The following RBFOX1 variants were observed in gnomAD, a reference collection of about 807,000 sequenced individuals.
RBFOX1 encodes the protein RNA binding protein fox-1 homolog 1.
Under a neutral mutation model 57.7 loss-of-function variants are expected in RBFOX1, and 8 were observed. That is an observed-to-expected ratio of 0.14 (90% CI 0.08 to 0.25). The LOEUF is 0.25. Among genes scored for constraint, RBFOX1 ranks in the 10% least tolerant of loss-of-function variants. The pLI is 1.00. For synonymous variants in RBFOX1, 326 were observed against 222.4 expected (o/e 1.47, Z -4.15); for missense variants, 611 against 548.5 (o/e 1.11, Z -1.14).
chr16:6,122,235 TC>T (rs1438347712), intron 1 of RBFOX1, among the ~76,000 whole-genome samples: 1 of 152,144 alleles, frequency 6.6e-6, no homozygotes, highest in Non-Finnish European at 1.5e-5. Flanking sequence ...GTTTTTATTT[TC>T]TTTTAATTAA....
At chr16:5,982,823 T>A (rs1050312109) in intron 4 of RBFOX1, among the ~76,000 whole-genome samples, 1 of 152,260 alleles carries the variant, frequency 6.6e-6, no homozygotes, top group African/African-American at 2.4e-5. Context: ...ATACCTGGAA[T>A]GTGGAGCCTT....
chr16:7,143,722 T>C lies in RBFOX1; in HGVS notation c.27+91624T>C, dbSNP rs77872478. Among the ~76,000 whole-genome samples the C allele has an allele frequency of 9.7e-3, 1,472 of 152,234 alleles. 29 individuals are homozygous for C. Among genetic ancestry groups the C allele is most frequent in the African/African-American group, 0.034 (1,409 of 41,544 alleles). ...TTCTCCAAAGTCCTTCATTTGATCA[T>C]ACATTCATCCATGGGTTTATTGGTT... On this transcript the variant is annotated intron_variant, in intron 4 of 15. Coordinates refer to ENST00000550418, the MANE Select transcript of RBFOX1 (RefSeq NM_018723.4).
At chr16:6,351,373 T>TATATA (rs61442398) in intron 2 of RBFOX1, among the ~76,000 whole-genome samples, 2,344 of 100,396 alleles carry the variant, frequency 0.023, 26 homozygotes, top group Middle Eastern at 0.048. Context: ...TATATATATA[T>TATATA]TTTTTTTTTT....
chr16:6,708,529 A>G (rs193288255), intron 3 of RBFOX1, among the ~76,000 whole-genome samples: 52 of 152,256 alleles, frequency 3.4e-4, no homozygotes, highest in African/African-American at 1.1e-3. Flanking sequence ...GTGTTGGACA[A>G]TTTCGCACAA....
At chr16:7,610,111 CG>C (rs1568078856) in intron 10 of RBFOX1, among the ~76,000 whole-genome samples, 1 of 87,764 alleles carries the variant, frequency 1.1e-5, no homozygotes, top group Non-Finnish European at 2.2e-5. Flanking sequence ...CCACTGCGCC[CG>C]GCCCCCTTTT....
At chr16:6,774,280 T>C (rs1314364592) in intron 3 of RBFOX1, among the ~76,000 whole-genome samples, 1 of 152,086 alleles carries the variant, frequency 6.6e-6, no homozygotes, top group African/African-American at 2.4e-5. Context: ...GTCTACTCTA[T>C]TCCCTCCCAG....
At chr16:7,306,350 G>T (rs947044930) in intron 4 of RBFOX1, among the ~76,000 whole-genome samples, 1 of 152,070 alleles carries the variant, frequency 6.6e-6, no homozygotes, top group African/African-American at 2.4e-5. Context: ...TCTCTCCCAC[G>T]AGGAAAAACA....
intron 3 of RBFOX1, among the ~76,000 whole-genome samples, chr16:5,634,735 C>G (rs1009362513): frequency 1.3e-5 from 2 of 152,324 alleles, no homozygotes; most frequent in East Asian, 1.9e-4. Flanking sequence ...CCAGCGTATT[C>G]TCTCCATTTC....
chr16:6,362,508 C>G lies in RBFOX1; in HGVS notation c.-64+45451C>G, dbSNP rs560801053. Among the ~76,000 whole-genome samples the G allele has an allele frequency of 1.2e-3, 188 of 152,320 alleles. 1 individual carries two copies. The highest frequency in any genetic ancestry group is 4.4e-3 in the African/African-American group (182 of 41,562). On this transcript the variant is annotated intron_variant, in intron 2 of 15. Transcript: ENST00000550418. ...CTCGTATGTCATCTGTTGGCACTGG[C>G]TCACGCATTTGTGTGCCAGGACATA... is the stretch of plus-strand genomic sequence containing the variant.
chr16:5,796,825 C>G lies in RBFOX1; in HGVS notation c.319-70478C>G, dbSNP rs2054895194. Among the ~76,000 whole-genome samples the G allele has an allele frequency of 2.0e-5, 3 of 152,192 alleles. 1 individual carries two copies. The highest frequency in any genetic ancestry group is 7.2e-5 in the African/African-American group (3 of 41,442). ...TTCTCTAACTCTGATATATTTCCCC[C>G]TTGTTTCCAGGTTAACCTCTATATG... is the stretch of plus-strand genomic sequence containing the variant. On this transcript the variant is annotated intron_variant, in intron 3 of 19. Transcript: ENST00000641259.
chr16:6,897,925 C>T (rs1283860034), intron 3 of RBFOX1, among the ~76,000 whole-genome samples: 2 of 152,184 alleles, frequency 1.3e-5, no homozygotes, highest in African/African-American at 4.8e-5. Flanking sequence ...CAGACACGAG[C>T]TACCCTCTGT....
intron 3 of RBFOX1, among the ~76,000 whole-genome samples, chr16:5,678,254 G>A (rs1201435724): frequency 6.6e-6 from 1 of 152,198 alleles, no homozygotes; most frequent in South Asian, 2.1e-4. Context: ...CAGCCAGTCA[G>A]TGTCCTCTGA....
At chr16:6,165,186 G>A (rs2096908173) in intron 1 of RBFOX1, among the ~76,000 whole-genome samples, 1 of 152,146 alleles carries the variant, frequency 6.6e-6, no homozygotes, top group South Asian at 2.1e-4. Flanking sequence ...CACCTGACAA[G>A]ATTACCCTGT....
chr16:5,454,849 C>G (rs1412105914), intron 1 of RBFOX1, among the ~76,000 whole-genome samples: 2 of 104,232 alleles, frequency 1.9e-5, no homozygotes, highest in Non-Finnish European at 4.1e-5. Context: ...TCCTTTCTTT[C>G]TTTCTTTTCT....
intron 4 of RBFOX1, among the ~76,000 whole-genome samples, chr16:7,229,049 T>C (rs1603395835): frequency 6.6e-6 from 1 of 151,398 alleles, no homozygotes; most frequent in African/African-American, 2.5e-5. Flanking sequence ...ATCTAAACTG[T>C]TTTTAAAAAT....
chr16:5,593,657 GTA>G (rs1567271978), intron 2 of RBFOX1, among the ~76,000 whole-genome samples: 1 of 152,082 alleles, frequency 6.6e-6, no homozygotes, highest in East Asian at 1.9e-4. Context: ...GGAAGTTACC[GTA>G]TATGGTCTGA....
At chr16:5,295,887 T>C (rs1176384394) in intron 1 of RBFOX1, among the ~76,000 whole-genome samples, 1 of 152,250 alleles carries the variant, frequency 6.6e-6, no homozygotes, top group Admixed American at 6.5e-5. Context: ...GGGATAATTA[T>C]GCTTCTTACC....
intron 2 of RBFOX1, among the ~76,000 whole-genome samples, chr16:6,643,234 C>G (rs2098506765): frequency 6.6e-6 from 1 of 152,154 alleles, no homozygotes; most frequent in South Asian, 2.1e-4. Context: ...TTGCATAGGA[C>G]TTGGTGCTTT....
chr16:5,371,612 G>A (rs930133058), intron 1 of RBFOX1, among the ~76,000 whole-genome samples: 1 of 152,222 alleles, frequency 6.6e-6, no homozygotes, highest in Non-Finnish European at 1.5e-5. Flanking sequence ...CGTCTAGGAG[G>A]TGTGAGCCGG....
Sources: allele counts gnomAD v4.1 joint callset (sites outside exome capture counted in the v4.1 genomes callset), GRCh38; gene constraint gnomAD v4.1.1; transcripts MANE v1.5; gene names NCBI Gene and HGNC (gene_info 2026-07-23, HGNC 2026-07-21).